The following BTD variants were observed in gnomAD, a reference collection of about 807,000 sequenced individuals.
The protein encoded by BTD is biotinidase.
In BTD, 13 loss-of-function variants were observed where a neutral mutation model predicts 17.7. That is an observed-to-expected ratio of 0.74 (90% CI 0.48 to 1.17). The LOEUF is 1.17. Ranked by LOEUF, BTD falls within the 50% of genes most tolerant of loss-of-function variation. The probability of loss-of-function intolerance (pLI) is 0.00; values close to 1 mark genes in which losing one functional copy is unlikely to be tolerated. For synonymous variants in BTD, 240 were observed against 245.2 expected, an observed-to-expected ratio of 0.98 and a Z score of 0.20; for missense variants, 674 against 650.4, an observed-to-expected ratio of 1.04 and a Z score of -0.39.
intron 4 of BTD, among the ~76,000 whole-genome samples, chr3:15,719,085 T>G (rs2073404169): frequency 1.3e-5 from 2 of 152,206 alleles, no homozygotes; most frequent in South Asian, 4.1e-4. Flanking sequence ...CTAAAAACTT[T>G]TAAAAAGATG....
chr3:15,626,147 A>G (rs2065060779), intron 1 of BTD, among the ~76,000 whole-genome samples: 1 of 152,188 alleles, frequency 6.6e-6, no homozygotes, highest in Admixed American at 6.5e-5. Context: ...GTATGGCCTA[A>G]GATGCTATTA....
downstream of BTD, among the ~76,000 whole-genome samples, chr3:15,656,018 G>T (rs540079783): frequency 9.4e-4 from 143 of 152,198 alleles, no homozygotes; most frequent in African/African-American, 3.3e-3. Flanking sequence ...GGCCAGGCTG[G>T]TCTCAAACTC....
At chr3:15,636,437 C>T (rs1416522726) in intron 2 of BTD, among the ~76,000 whole-genome samples, 1 of 152,124 alleles carries the variant, frequency 6.6e-6, no homozygotes, top group African/African-American at 2.4e-5. Flanking sequence ...AAAGGAGAGG[C>T]CCCCCTGGGG....
At chr3:15,703,105 T>C (rs894592828) in intron 3 of BTD, among the ~76,000 whole-genome samples, 2 of 152,168 alleles carry the variant, frequency 1.3e-5, no homozygotes, top group Non-Finnish European at 1.5e-5. Context: ...GGTTGTTGAA[T>C]GTAAGTCACA....
intron 3 of BTD, among the ~76,000 whole-genome samples, chr3:15,692,432 AGAGT>A (rs1160730243): frequency 1.3e-5 from 2 of 152,252 alleles, no homozygotes; most frequent in Non-Finnish European, 2.9e-5. Context: ...CCTGGATGAC[AGAGT>A]GAGACAATGA....
chr3:15,642,093 A>G, intron 3 of BTD, 36 bp downstream of exon 3: 2 of 1,612,752 alleles, frequency 1.2e-6, no homozygotes, highest in Non-Finnish European at 1.7e-6. Flanking sequence ...GGCTGAGGGT[A>G]CACAGAGGTG....
At chr3:15,664,727 TA>T (rs35203239) in intron 3 of BTD, among the ~76,000 whole-genome samples, 3 of 151,658 alleles carry the variant, frequency 2.0e-5, no homozygotes, top group Admixed American at 6.6e-5. Context: ...TGAAGGGATT[TA>T]AAAAAAAGAT....
chr3:15,719,818 G>A (rs2073501073), intron 4 of BTD, among the ~76,000 whole-genome samples: 1 of 152,044 alleles, frequency 6.6e-6, no homozygotes, highest in South Asian at 2.1e-4. Flanking sequence ...GCCTCCTAAA[G>A]CACTGGGATT....
At chr3:15,601,423 A>G (rs757189527), upstream of BTD, 8 of 1,613,842 alleles carry the variant, frequency 5.0e-6, no homozygotes, top group East Asian at 1.1e-4. Flanking sequence ...AGCACCAGAC[A>G]CCTGCTCCTC....
intron 2 of BTD, among the ~76,000 whole-genome samples, chr3:15,641,056 G>A (rs1014960753): frequency 1.3e-5 from 2 of 152,212 alleles, no homozygotes; most frequent in East Asian, 1.9e-4. Context: ...TAAGTGGAGA[G>A]CAGTGGAAGA....
At chr3:15,679,406 TC>T (rs762069766) in intron 3 of BTD, 1 of 1,613,480 alleles carries the variant, frequency 6.2e-7, no homozygotes, top group Non-Finnish European at 8.5e-7. Flanking sequence ...AACAAGGTGA[TC>T]ATTCTCACAG....
intron 2 of BTD, among the ~76,000 whole-genome samples, chr3:15,637,570 G>A (rs2065384001): frequency 1.3e-5 from 2 of 152,134 alleles, no homozygotes; most frequent in African/African-American, 2.4e-5. Flanking sequence ...TTACCTTTAC[G>A]TCATTCACAC....
chr3:15,645,414 T>C lies in BTD; in HGVS notation c.1498T>C (p.Phe500Leu), dbSNP rs2065670247. ...GCTTGGCTGGGAGAATGACCACTATTTCCTGAGGAAAAGTAGGCTGTCCTC... is the reference window on the plus strand; with the variant it reads ...GCTTGGCTGGGAGAATGACCACTATCTCCTGAGGAAAAGTAGGCTGTCCTC... ...DQLGWENDHYFLRKSRLSSGL... is the reference protein window; with the variant it reads ...DQLGWENDHYLLRKSRLSSGL... Residue 500 changes from phenylalanine (F) to leucine (L), a missense_variant, in exon 4 of 4, where the codon TTC becomes CTC. Transcript: ENST00000643237. The C allele has an allele frequency of 6.2e-7, 1 of 1,614,102 alleles. No homozygotes were observed. Among genetic ancestry groups the C allele is most frequent in the Non-Finnish European group, 8.5e-7 (1 of 1,180,022 alleles).
intron 3 of BTD, among the ~76,000 whole-genome samples, chr3:15,670,984 T>C (rs142902310): frequency 6.6e-6 from 1 of 152,386 alleles, no homozygotes; most frequent in Admixed American, 6.5e-5. Flanking sequence ...TGTAGTTATG[T>C]AAGGAAACTT....
intron 1 of BTD, among the ~76,000 whole-genome samples, chr3:15,633,567 C>T (rs1400409189): frequency 2.0e-5 from 3 of 152,124 alleles, no homozygotes; most frequent in African/African-American, 4.8e-5. Context: ...TTCTGTACCC[C>T]GACATCGGTG....
At chr3:15,616,871 C>T (rs2064807065) in intron 1 of BTD, among the ~76,000 whole-genome samples, 1 of 151,880 alleles carries the variant, frequency 6.6e-6, no homozygotes, top group Non-Finnish European at 1.5e-5. Context: ...CTCACTCTGT[C>T]ACCCAGGCTG....
Position 15,648,461 on chromosome 3 carries a change from C to T in BTD, c.*2973C>T, listed in dbSNP as rs2065743044. Among the ~76,000 whole-genome samples the T allele has an allele frequency of 6.6e-6, 1 of 152,124 alleles. No individual in the cohort carries two copies. The highest frequency in any genetic ancestry group is 1.5e-5 in the Non-Finnish European group (1 of 68,026). On this transcript the variant is annotated 3_prime_UTR_variant, in exon 4 of 4. Coordinates refer to ENST00000643237, the MANE Select transcript of BTD (RefSeq NM_001370658.1). Reference sequence around the variant, plus strand: ...TCCCTTTGAATGTTAGTTACCTATTCCCACATAACAAAGTGCCCCAAAACT... The same window carrying T: ...TCCCTTTGAATGTTAGTTACCTATTTCCACATAACAAAGTGCCCCAAAACT...
At chr3:15,614,915 T>G (rs1574982659) in intron 1 of BTD, among the ~76,000 whole-genome samples, 1 of 152,176 alleles carries the variant, frequency 6.6e-6, no homozygotes, top group African/African-American at 2.4e-5. Context: ...CTTATTCTTT[T>G]ACCTGTTTTA....
chr3:15,678,124 G>C, intron 3 of BTD: 1 of 1,318,346 alleles, frequency 7.6e-7, no homozygotes, highest in South Asian at 1.5e-5. Context: ...AAGATAACTA[G>C]TTGAAGTCAG....
Sources: allele counts gnomAD v4.1 joint callset (sites outside exome capture counted in the v4.1 genomes callset), GRCh38; gene constraint gnomAD v4.1.1; transcripts MANE v1.5; gene names NCBI Gene and HGNC (gene_info 2026-07-23, HGNC 2026-07-21).